ZNF782: variants seen among roughly 807,000 people sequenced by gnomAD.
ZNF782 encodes the protein zinc finger protein 782.
In ZNF782, 12 loss-of-function variants were observed where a neutral mutation model predicts 13.0. The ratio of observed to expected loss-of-function variants is 0.92; its 90% CI spans 0.59 to 1.50. The LOEUF (loss-of-function observed/expected upper bound fraction) is 1.50. Ranked by LOEUF, ZNF782 falls within the 40% of genes most tolerant of loss-of-function variation. The probability of loss-of-function intolerance (pLI) is 0.00; values close to 1 mark genes in which losing one functional copy is unlikely to be tolerated. For synonymous variants in ZNF782, 284 were observed against 283.0 expected (o/e 1.00, Z -0.04); for missense variants, 770 against 822.9 (o/e 0.94, Z 0.79).
intron 1 of ZNF782, among the ~76,000 whole-genome samples, chr9:96,866,665 C>G (rs1851757546): frequency 6.6e-6 from 1 of 152,198 alleles, no homozygotes; most frequent in Admixed American, 6.5e-5. Flanking sequence ...CCACTGACAG[C>G]CTGCACCGTG....
the ZNF782 span, among the ~76,000 whole-genome samples, chr9:96,915,031 A>G: frequency 6.6e-6 from 1 of 151,326 alleles, no homozygotes; most frequent in Non-Finnish European, 1.5e-5. Context: ...CAGGGTTCAC[A>G]GCAGGGTCCC....
chr9:96,832,110 C>T (rs886857390), intron 4 of ZNF782, among the ~76,000 whole-genome samples: 1 of 151,686 alleles, frequency 6.6e-6, no homozygotes, highest in Admixed American at 6.6e-5. Flanking sequence ...TTTTACTTAT[C>T]TATTTTTCTG....
At chr9:96,837,506 C>T (rs1851037881) in intron 4 of ZNF782, among the ~76,000 whole-genome samples, 1 of 151,988 alleles carries the variant, frequency 6.6e-6, no homozygotes, top group African/African-American at 2.4e-5. Context: ...TTGATTTTCT[C>T]TATTGTTTTT....
At chr9:96,925,628 C>CAA in the ZNF782 span, among the ~76,000 whole-genome samples, 1,575 of 85,418 alleles carry the variant, frequency 0.018, 57 homozygotes, top group East Asian at 0.25. Context: ...GACTCTATCT[C>CAA]AAAAAAAAAA....
chr9:96,901,141 C>CA, the ZNF782 span, among the ~76,000 whole-genome samples: 1 of 147,446 alleles, frequency 6.8e-6, no homozygotes, highest in Admixed American at 6.8e-5. Context: ...GCCTGGGCAA[C>CA]AGAGCAAGAC....
chr9:96,859,025 G>C (rs557592857), upstream of ZNF782, among the ~76,000 whole-genome samples: 1 of 152,078 alleles, frequency 6.6e-6, no homozygotes, highest in Non-Finnish European at 1.5e-5. Context: ...ATTTACACTA[G>C]TGCCCACCCA....
In ZNF782 at chr9:96,866,598, C is replaced by T. The variant is rs190983568; in HGVS notation, c.-456-4995G>A. Among the ~76,000 whole-genome samples, 28 of 152,266 alleles carry T rather than the reference C, an allele frequency of 1.8e-4. 2 individuals carry two copies. In the East Asian group the frequency reaches 3.1e-3, roughly 17 times the overall value. On this transcript the variant is annotated intron_variant, in intron 1 of 5. Coordinates refer to the ZNF782 transcript ENST00000498811. ...CCATACAGAGTCGCTACCTGGGCAC[C>T]GCCTTGTGGAGCTATGAGAAGAGGG...
chr9:96,886,440 A>G, the ZNF782 span, among the ~76,000 whole-genome samples: 1 of 152,230 alleles, frequency 6.6e-6, no homozygotes, highest in Non-Finnish European at 1.5e-5. Flanking sequence ...TGTTCAATGT[A>G]TATGGAGGAA....
intron 1 of ZNF782, among the ~76,000 whole-genome samples, chr9:96,868,630 A>G (rs1246791418): frequency 6.6e-6 from 1 of 152,256 alleles, no homozygotes; most frequent in African/African-American, 2.4e-5. Context: ...AGATGTGGGA[A>G]AATCAAGTTC....
chr9:96,823,726 A>G (rs983413301), intron 5 of ZNF782, among the ~76,000 whole-genome samples: 8 of 152,238 alleles, frequency 5.3e-5, no homozygotes, highest in Non-Finnish European at 8.8e-5. Context: ...TATTTTTAAA[A>G]TATACCTCTT....
At chr9:96,919,462 ATTTGT>A in the ZNF782 span, 3 of 109,994 alleles carry the variant, frequency 2.7e-5, no homozygotes, top group African/African-American at 7.0e-5. Context: ...ACTTCATCTC[ATTTGT>A]TTTATGTGTT....
At chr9:96,917,913 T>TGA in the ZNF782 span, among the ~76,000 whole-genome samples, 1 of 150,212 alleles carries the variant, frequency 6.7e-6, no homozygotes, top group East Asian at 1.9e-4. Flanking sequence ...TGTGTGTGTG[T>TGA]GTGTGTGTGT....
At chr9:96,872,031 G>A (rs879008445) in intron 1 of ZNF782, among the ~76,000 whole-genome samples, 4 of 152,044 alleles carry the variant, frequency 2.6e-5, no homozygotes, top group African/African-American at 7.2e-5. Flanking sequence ...TTATTATCCC[G>A]CATGTTAACC....
At chr9:96,829,009 A>G (rs1850714533) in intron 4 of ZNF782, among the ~76,000 whole-genome samples, 1 of 151,916 alleles carries the variant, frequency 6.6e-6, no homozygotes, top group Non-Finnish European at 1.5e-5. Context: ...GAAGACAGTG[A>G]AGTGATACTT....
At chr9:96,839,449 G>A (rs193083648) in intron 4 of ZNF782, among the ~76,000 whole-genome samples, 20 of 152,036 alleles carry the variant, frequency 1.3e-4, no homozygotes, top group Admixed American at 6.5e-4. Flanking sequence ...ATAATGTCTA[G>A]TGGTTTTAGC....
intron 5 of ZNF782, among the ~76,000 whole-genome samples, chr9:96,822,720 A>C (rs980856182): frequency 6.6e-6 from 1 of 152,184 alleles, no homozygotes; most frequent in African/African-American, 2.4e-5. Context: ...TATAAGACTA[A>C]AAGTTTTTCT....
At chr9:96,903,554 T>TG in the ZNF782 span, among the ~76,000 whole-genome samples, 11 of 101,104 alleles carry the variant, frequency 1.1e-4, no homozygotes, top group East Asian at 5.0e-3. Flanking sequence ...AATTTTATGT[T>TG]GGTTTTTTTT....
At chr9:96,919,153 G>C in the ZNF782 span, 3 of 148,758 alleles carry the variant, frequency 2.0e-5, no homozygotes, top group Non-Finnish European at 3.1e-5. Context: ...AACTTTTCAG[G>C]TCCCAGCTTA....
intron 4 of ZNF782, among the ~76,000 whole-genome samples, chr9:96,835,613 C>T (rs932941747): frequency 1.1e-4 from 17 of 152,284 alleles, no homozygotes; most frequent in Admixed American, 9.2e-4. Flanking sequence ...CAAGTGGCTC[C>T]AGTAAGGCTT....
Sources: allele counts gnomAD v4.1 joint callset (sites outside exome capture counted in the v4.1 genomes callset), GRCh38; gene constraint gnomAD v4.1.1; transcripts MANE v1.5; gene names NCBI Gene and HGNC (gene_info 2026-07-23, HGNC 2026-07-21).